GOLGA2: variants seen among roughly 807,000 people sequenced by gnomAD.
GOLGA2 encodes the protein golgin subfamily A member 2.
Under a neutral mutation model 148.8 loss-of-function variants are expected in GOLGA2, and 49 were observed. The observed-to-expected ratio is 0.33, with a 90% confidence interval of 0.26 to 0.42. The LOEUF (loss-of-function observed/expected upper bound fraction) is 0.42. Among genes scored for constraint, GOLGA2 ranks in the 10% least tolerant of loss-of-function variants. The probability of loss-of-function intolerance (pLI) is 1.00; values close to 1 mark genes in which losing one functional copy is unlikely to be tolerated. For synonymous variants in GOLGA2, 501 were observed against 511.8 expected, an observed-to-expected ratio of 0.98 and a Z score of 0.28; for missense variants, 1,178 against 1,304.6, an observed-to-expected ratio of 0.90 and a Z score of 1.49.
rs188163694 is a variant in GOLGA2, at chr9:128,261,623, C to G, written c.1224+45G>C. 6.5e-7 allele frequency: 1 copy of G among 1,528,910 alleles called. No individual in the cohort carries two copies. The highest frequency in any genetic ancestry group is 1.7e-5 in the Admixed American group (1 of 59,916). The allele number at this position is 1,528,910 out of a possible 1,614,324, so 94.7% of individuals were successfully genotyped here. On this transcript the variant is annotated intron_variant, in intron 15 of 26. Coordinates refer to ENST00000611957, the MANE Select transcript of GOLGA2 (RefSeq NM_001366244.2). The surrounding 1 kb of genome is among the most constrained non-coding windows in gnomAD (Gnocchi z 5.7). Reference sequence around the variant, plus strand: ...ACTGGTTGTCACCTACTCCTGGCCACCTGGGGTCATCTTCCTTCTACATCC... The same window carrying G: ...ACTGGTTGTCACCTACTCCTGGCCAGCTGGGGTCATCTTCCTTCTACATCC...
At chr9:128,275,672 G>A (rs1831291384) in intron 1 of GOLGA2, among the ~76,000 whole-genome samples, 1 of 152,126 alleles carries the variant, frequency 6.6e-6, no homozygotes, top group Admixed American at 6.5e-5. Flanking sequence ...GGGGAGCCCC[G>A]GGAGCACCAG....
rs778330580 is a variant in GOLGA2 at position 128,261,192 on chromosome 9, G to A, written c.1400C>T (p.Ala467Val). Residue 467 changes from alanine (A) to valine (V), a missense_variant, in exon 17 of 27, where the codon GCT (alanine) becomes GTT (valine). Ala to Val is a moderately conservative substitution (Grantham distance 64). Transcript: ENST00000611957. The surrounding 1 kb of genome is among the most constrained non-coding windows in gnomAD (Gnocchi z 5.7). ...SRVQELETSL[A>V]ELRNQMAEPP... ...CTTACCCATCTGGTTCCTCAGTTCAGCCAAGCTCGTCTCCAGCTCCTGTAC... is the reference window on the plus strand; with the variant it reads ...CTTACCCATCTGGTTCCTCAGTTCAACCAAGCTCGTCTCCAGCTCCTGTAC... 1 of 1,612,824 alleles carries A rather than the reference G, an allele frequency of 6.2e-7. No homozygotes were observed. Among genetic ancestry groups the A allele is most frequent in the East Asian group, 2.2e-5 (1 of 44,860 alleles).
intron 3 of GOLGA2, among the ~76,000 whole-genome samples, chr9:128,272,339 C>T (rs1554790860): frequency 2.0e-5 from 3 of 151,854 alleles, no homozygotes; most frequent in Non-Finnish European, 4.4e-5. Context: ...CAAAAATGAG[C>T]CAGACATGGT....
chr9:128,269,296 A>AT (rs1490129910), intron 3 of GOLGA2, among the ~76,000 whole-genome samples: 1 of 151,614 alleles, frequency 6.6e-6, no homozygotes, highest in African/African-American at 2.4e-5. Context: ...AAAAAAAAAA[A>AT]GCTGCCCAAC....
At position 128,266,465 on chromosome 9, in the gene GOLGA2, C is replaced by T; in HGVS notation, c.643-140G>A. 1 of 706,194 alleles carries T rather than the reference C, an allele frequency of 1.4e-6. No individual in the cohort carries two copies. The highest frequency in any genetic ancestry group is 3.3e-4 in the Middle Eastern group (1 of 3,070). The allele number at this position is 706,194 out of a possible 1,614,324, so 43.7% of individuals were successfully genotyped here. ...CCCAATGGGAACACGAACTGGTAAACTCTCCTCAGGCTCTCAAGGAAAGGG... is the reference window on the plus strand; with the variant it reads ...CCCAATGGGAACACGAACTGGTAAATTCTCCTCAGGCTCTCAAGGAAAGGG... On this transcript the variant is annotated intron_variant, in intron 8 of 26. Transcript: ENST00000611957. The surrounding 1 kb of genome is among the most constrained non-coding windows in gnomAD (Gnocchi z 4.2).
chr9:128,257,580 C>G lies in GOLGA2; in HGVS notation c.2718+21G>C, dbSNP rs142086295. The G allele has an allele frequency of 1.2e-6, 2 of 1,614,120 alleles. No individual in the cohort carries two copies. Among genetic ancestry groups the G allele is most frequent in the Admixed American group, 1.7e-5 (1 of 60,034 alleles). ...CCATGCCCGTGCCCACCTCCACCCC[C>G]AGAGATGTTCCACACCCTACCTTCA... is the stretch of plus-strand genomic sequence containing the variant. On this transcript the variant is annotated intron_variant, in intron 25 of 26. Transcript: ENST00000611957. The surrounding 1 kb of genome is among the most constrained non-coding windows in gnomAD (Gnocchi z 8.0).
rs10987950 is a variant in GOLGA2 at position 128,269,879 on chromosome 9, A to G, written c.289-1355T>C. Among the ~76,000 whole-genome samples, 489 of 152,294 alleles carry G rather than the reference A, an allele frequency of 3.2e-3. 7 individuals are homozygous for G. In the East Asian group the frequency reaches 0.065, roughly 20 times the overall value. On this transcript the variant is annotated intron_variant, in intron 3 of 26. Coordinates refer to ENST00000611957, the MANE Select transcript of GOLGA2 (RefSeq NM_001366244.2). ...AGCAAGTGCTGCAGAGGCTGGTGGA[A>G]CTGAAGATGAGCCAAGCTGCCTTTG...
Position 128,261,779 on chromosome 9 carries a change from GT to G in GOLGA2, c.1135-23del. 6.5e-7 allele frequency: 1 copy of G among 1,548,064 alleles called. No homozygotes were observed. The highest frequency in any genetic ancestry group is 8.9e-7 in the Non-Finnish European group (1 of 1,119,700). On this transcript the variant is annotated intron_variant, in intron 14 of 26. Coordinates refer to ENST00000611957, the MANE Select transcript of GOLGA2 (RefSeq NM_001366244.2). This position sits in a 1 kb window ranked among gnomAD's most constrained non-coding sequence, Gnocchi z 5.7. ...AAAACTGGATGGTGAAGAGCGAGAAGTTTAGATCTGGGGAGCCCAGGCCGTT... is the reference window on the plus strand; with the variant it reads ...AAAACTGGATGGTGAAGAGCGAGAAGTTAGATCTGGGGAGCCCAGGCCGTT...
chr9:128,261,368 G>A lies in GOLGA2; in HGVS notation c.1332+86C>T. The A allele has an allele frequency of 8.3e-7, 1 of 1,206,018 alleles. No individual in the cohort carries two copies. Among genetic ancestry groups the A allele is most frequent in the South Asian group, 1.2e-5 (1 of 82,924 alleles). 74.7% of individuals were successfully genotyped at this position (1,206,018 alleles called of 1,614,324 possible). A position where few individuals can be genotyped will look rare whatever the true frequency, so the allele number is the denominator to read the frequency against. On this transcript the variant is annotated intron_variant, in intron 16 of 26. Transcript: ENST00000611957. This position sits in a 1 kb window ranked among gnomAD's most constrained non-coding sequence, Gnocchi z 5.7. ...AAAGCCCAGACCCATGACCACCTCTGGCTGTGCTCCTCCCATTTCGCAGAT... is the reference window on the plus strand; with the variant it reads ...AAAGCCCAGACCCATGACCACCTCTAGCTGTGCTCCTCCCATTTCGCAGAT...
In GOLGA2 at chr9:128,257,712, G is replaced by A. The variant is rs767227258; in HGVS notation, c.2612-5C>T. The A allele has an allele frequency of 2.4e-5, 39 of 1,613,080 alleles. No homozygotes were observed. Among genetic ancestry groups the A allele is most frequent in the South Asian group, 9.9e-5 (9 of 91,062 alleles). ...GGTACAGTGCAATGTACTCTCCTGC[G>A]GGAGGACAGGGCTCAGATGCTGGGT... On this transcript the variant is annotated splice_region_variant and splice_polypyrimidine_tract_variant and intron_variant, in intron 24 of 26. Transcript: ENST00000611957. This position sits in a 1 kb window ranked among gnomAD's most constrained non-coding sequence, Gnocchi z 8.0.
rs1373583453 is a variant in GOLGA2 at position 128,272,809 on chromosome 9, C to T, written c.264G>A (p.Ala88=). The part of the protein sequence containing the change: ...VSDLNRSNGV[A]LPPLDKWKTP... ...CCTTCCACTTGTCCAATGGGGGGAGCGCTACCCCATTGGAACGGTTAAGGT... is the reference window on the plus strand; with the variant it reads ...CCTTCCACTTGTCCAATGGGGGGAGTGCTACCCCATTGGAACGGTTAAGGT... Residue 88 remains alanine, a synonymous_variant, in exon 3 of 27, where the codon GCG becomes GCA. Coordinates refer to ENST00000611957, the MANE Select transcript of GOLGA2 (RefSeq NM_001366244.2). The T allele has an allele frequency of 1.0e-5, 13 of 1,272,602 alleles. No homozygotes were observed. Among genetic ancestry groups the T allele is most frequent in the African/African-American group, 6.1e-5 (4 of 65,438 alleles). The allele number at this position is 1,272,602 out of a possible 1,614,324, so 78.8% of individuals were successfully genotyped here.
At chr9:128,270,583 T>C (rs1466743128) in intron 3 of GOLGA2, among the ~76,000 whole-genome samples, 1 of 152,198 alleles carries the variant, frequency 6.6e-6, no homozygotes, top group East Asian at 1.9e-4. Context: ...TAAGATATTT[T>C]TTCTCTCTCC....
chr9:128,265,721 A>C, intron 11 of GOLGA2, 30 bp from the exon 12 acceptor site: 1 of 1,611,282 alleles, frequency 6.2e-7, no homozygotes, highest in Non-Finnish European at 8.5e-7. Flanking sequence ...GATGGGGCCC[A>C]AAGGACTCCC....
chr9:128,275,433 G>A, intron 1 of GOLGA2: 2 of 1,297,656 alleles, frequency 1.5e-6, no homozygotes, highest in Non-Finnish European at 2.0e-6. Flanking sequence ...GCAGGGCCAG[G>A]ACCCAGGTCC....
In GOLGA2 at chr9:128,257,274, G is replaced by C. The variant is rs142984551; in HGVS notation, c.2883C>G (p.Cys961Trp). Residue 961 changes from cysteine to tryptophan, a missense_variant, in exon 27 of 27, where the codon TGC becomes TGG. By Grantham distance (215) the Cys-to-Trp change is radical. This residue lies in a region of GOLGA2 where 149 missense variants were observed against 154.9 expected (regional missense o/e 0.96). Coordinates refer to ENST00000611957, the MANE Select transcript of GOLGA2 (RefSeq NM_001366244.2). This position sits in a 1 kb window ranked among gnomAD's most constrained non-coding sequence, Gnocchi z 8.0. ...CCACACTGCCGGCGAGGCTCACCTC[G>C]CAAAGATCTTTGGAGAGAGAGAGGC... ...LGAANQQGDLCEVSLAGSVEP... is the reference protein window; with the variant it reads ...LGAANQQGDLWEVSLAGSVEP... 7.4e-6 allele frequency: 12 copies of C among 1,612,826 alleles called. No homozygotes were observed. The South Asian group carries it at 1.3e-4, about 18-fold the overall frequency.
Position 128,266,233 on chromosome 9 carries a change from A to T in GOLGA2, c.681+54T>A. The T allele has an allele frequency of 1.3e-6, 2 of 1,517,730 alleles. No homozygotes were observed. The highest frequency in any genetic ancestry group is 2.2e-5 in the South Asian group (2 of 89,010). The allele number at this position is 1,517,730 out of a possible 1,614,324, so 94.0% of individuals were successfully genotyped here. A position where few individuals can be genotyped will look rare whatever the true frequency, so the allele number is the denominator to read the frequency against. On this transcript the variant is annotated intron_variant, in intron 9 of 26. Coordinates refer to ENST00000611957, the MANE Select transcript of GOLGA2 (RefSeq NM_001366244.2). The surrounding 1 kb of genome is among the most constrained non-coding windows in gnomAD (Gnocchi z 4.2). Reference sequence around the variant, plus strand: ...GACGAGACTGAGGCCTCTACATTTGAATGCCCCCCAAACCCAGCAGTCATG... The same window carrying T: ...GACGAGACTGAGGCCTCTACATTTGTATGCCCCCCAAACCCAGCAGTCATG...
intron 12 of GOLGA2, among the ~76,000 whole-genome samples, chr9:128,263,407 T>C (rs7871101): frequency 0.16 from 24,957 of 151,904 alleles, 3,481 homozygotes; most frequent in African/African-American, 0.36. Flanking sequence ...TGCACCACCA[T>C]GTCCGGCTAA....
At chr9:128,269,301 C>G (rs557919207) in intron 3 of GOLGA2, among the ~76,000 whole-genome samples, 2 of 151,794 alleles carry the variant, frequency 1.3e-5, no homozygotes, top group East Asian at 3.9e-4. Context: ...AAAAAAGCTG[C>G]CCAACTAGAA....
chr9:128,261,860 A>T lies in GOLGA2; in HGVS notation c.1135-103T>A. The T allele has an allele frequency of 1.4e-6, 1 of 704,172 alleles. No homozygotes were observed. The highest frequency in any genetic ancestry group is 2.6e-6 in the Non-Finnish European group (1 of 388,302). The allele number at this position is 704,172 out of a possible 1,614,324, so 43.6% of individuals were successfully genotyped here. On this transcript the variant is annotated intron_variant, in intron 14 of 26. Coordinates refer to ENST00000611957, the MANE Select transcript of GOLGA2 (RefSeq NM_001366244.2). The surrounding 1 kb of genome is among the most constrained non-coding windows in gnomAD (Gnocchi z 5.7). ...CTAGGCTCAATGTGCAACTCAGTCA[A>T]TACAACTCTGCTGTCAAGTTTCTTT... is the stretch of plus-strand genomic sequence containing the variant.
Sources: gnomAD v4.1 joint callset for allele counts (sites outside exome capture counted in the v4.1 genomes callset) on GRCh38, gnomAD v4.1.1 for gene constraint, gnomAD v4.1.1 regional missense constraint, Gnocchi (gnomAD v3.1) non-coding constraint, MANE v1.5 for transcripts, NCBI Gene and HGNC (gene_info 2026-07-23, HGNC 2026-07-21) for gene names.